Variants in USP6NL observed in about 807,000 individuals in gnomAD.
The protein encoded by USP6NL is USP6 N-terminal-like protein.
Under a neutral mutation model 61.9 loss-of-function variants are expected in USP6NL, and 26 were observed. The ratio of observed to expected loss-of-function variants is 0.42; its 90% CI spans 0.31 to 0.58. USP6NL has a LOEUF of 0.58. USP6NL is among the 20% of genes least tolerant of loss of function. USP6NL has a pLI of 0.16. For missense variants in USP6NL, 1,114 were observed against 1,034.3 expected, an observed-to-expected ratio of 1.08 and a Z score of -1.06; for synonymous variants, 432 against 390.1, an observed-to-expected ratio of 1.11 and a Z score of -1.27.
intron 2 of USP6NL, among the ~76,000 whole-genome samples, chr10:11,568,051 C>T (rs1837227303): frequency 6.6e-6 from 1 of 152,096 alleles, no homozygotes; most frequent in Admixed American, 6.6e-5. Flanking sequence ...TTAGCGGTCA[C>T]GTGTGAAAAT....
chr10:11,501,621 T>C (rs1168861576), intron 6 of USP6NL, among the ~76,000 whole-genome samples: 1 of 152,182 alleles, frequency 6.6e-6, no homozygotes, highest in South Asian at 2.1e-4. Context: ...AGCAAAAAGG[T>C]TGCCTTGTCC....
At chr10:11,571,191 C>A (rs1837347275) in intron 2 of USP6NL, among the ~76,000 whole-genome samples, 1 of 151,770 alleles carries the variant, frequency 6.6e-6, no homozygotes, top group Non-Finnish European at 1.5e-5. Context: ...TCAAGCGATT[C>A]TCCTGCCTCA....
chr10:11,522,268 TTATTG>T (rs1260088087), intron 4 of USP6NL, among the ~76,000 whole-genome samples: 1 of 152,284 alleles, frequency 6.6e-6, no homozygotes, highest in Non-Finnish European at 1.5e-5. Context: ...TTTTGCCATT[TTATTG>T]TATTAACATT....
Position 11,462,919 on chromosome 10 carries a change from G to A in USP6NL, c.2009C>T (p.Pro670Leu), listed in dbSNP as rs2096221872. The A allele has an allele frequency of 2.5e-6, 4 of 1,613,540 alleles. No homozygotes were observed. The highest frequency in any genetic ancestry group is 1.3e-5 in the African/African-American group (1 of 75,040). Residue 670 changes from proline (P) to leucine (L), a missense_variant, in exon 15 of 15, where the codon CCT (proline) becomes CTT (leucine). Coordinates refer to ENST00000609104, the MANE Select transcript of USP6NL (RefSeq NM_014688.5). ...PGTQLNPSRR[P>L]HGSTLSVSAS... ...ACTGACGGAAAGAGTAGAACCATGA[G>A]GTCTCCTGGAAGGATTCAGTTGAGT... is the stretch of plus-strand genomic sequence containing the variant.
At chr10:11,588,422 G>A (rs1211176384) in intron 2 of USP6NL, among the ~76,000 whole-genome samples, 1 of 152,030 alleles carries the variant, frequency 6.6e-6, no homozygotes, top group Non-Finnish European at 1.5e-5. Context: ...GTACATATGG[G>A]AAAAGGAGCA....
At chr10:11,492,783 G>A (rs978633650) in intron 8 of USP6NL, among the ~76,000 whole-genome samples, 22 of 152,222 alleles carry the variant, frequency 1.4e-4, no homozygotes, top group African/African-American at 5.1e-4. Context: ...ATGCATGGGG[G>A]TCAAGGTTAT....
chr10:11,600,002 T>G lies in USP6NL; in HGVS notation c.-83-2285A>C, dbSNP rs1185718826. On this transcript the variant is annotated intron_variant, in intron 1 of 14. Transcript: ENST00000609104. This position sits in a 1 kb window ranked among gnomAD's most constrained non-coding sequence, Gnocchi z 4.1. ...AGTAAGGAGTCTACCAATTGTTATATGGAACAAGGTAGTTGAGCAGCACAC... is the reference window on the plus strand; with the variant it reads ...AGTAAGGAGTCTACCAATTGTTATAGGGAACAAGGTAGTTGAGCAGCACAC... 6.6e-6 allele frequency among the ~76,000 whole-genome samples: 1 copy of G among 152,106 alleles called. No homozygotes were observed. Among genetic ancestry groups the G allele is most frequent in the African/African-American group, 2.4e-5 (1 of 41,436 alleles).
Position 11,596,392 on chromosome 10 carries a change from C to T in USP6NL, c.4+1239G>A, listed in dbSNP as rs1450968241. 6.6e-6 allele frequency among the ~76,000 whole-genome samples: 1 copy of T among 152,042 alleles called. No homozygotes were observed. Among genetic ancestry groups the T allele is most frequent in the Non-Finnish European group, 1.5e-5 (1 of 67,998 alleles). On this transcript the variant is annotated intron_variant, in intron 2 of 14. Coordinates refer to ENST00000609104, the MANE Select transcript of USP6NL (RefSeq NM_014688.5). The surrounding 1 kb of genome is among the most constrained non-coding windows in gnomAD (Gnocchi z 4.1). ...ATCCCAGCATTTTGGGAGGCTGAGG[C>T]GGGCGGATCACAAGGTCAGGAGATC...
At chr10:11,498,235 CAAAAAAAAAAAAA>C (rs11341542) in intron 7 of USP6NL, among the ~76,000 whole-genome samples, 16 of 38,806 alleles carry the variant, frequency 4.1e-4, no homozygotes, top group African/African-American at 2.0e-3. Context: ...CACTCTGTCT[CAAAAAAAAAAAAA>C]AAAAAAAAAA....
chr10:11,488,759 A>C (rs921155563), intron 10 of USP6NL, among the ~76,000 whole-genome samples: 2 of 152,214 alleles, frequency 1.3e-5, no homozygotes, highest in African/African-American at 4.8e-5. Flanking sequence ...TGACCATCTA[A>C]AAGTTTTGAT....
chr10:11,594,932 T>C (rs897203930), intron 2 of USP6NL, among the ~76,000 whole-genome samples: 10 of 152,132 alleles, frequency 6.6e-5, no homozygotes, highest in African/African-American at 2.4e-4. Flanking sequence ...TACAGCTTGA[T>C]GGGTCCCAGA....
chr10:11,551,249 G>A lies in USP6NL; in HGVS notation c.5-23682C>T, dbSNP rs78418635. Among the ~76,000 whole-genome samples the A allele has an allele frequency of 2.2e-4, 33 of 152,172 alleles. No homozygotes were observed. The East Asian group carries it at 5.8e-3, about 27-fold the overall frequency. On this transcript the variant is annotated intron_variant, in intron 2 of 14. Transcript: ENST00000609104. ...ATTGGTGAAAAGGTAAGCAAATTTT[G>A]GTTAATTCATACTTTGGAATACTAT...
rs117480958 is a variant in USP6NL, at chr10:11,605,365, A to T, written c.-84+6078T>A. 2.1e-3 allele frequency among the ~76,000 whole-genome samples: 315 copies of T among 152,356 alleles called. 1 individual carries two copies. Among genetic ancestry groups the T allele is most frequent in the Admixed American group, 0.014 (212 of 15,300 alleles). ...AGAAGCAAACTAAACCAATTATTGC[A>T]TAGACTCTCAACTTTTTATTAGAAT... is the stretch of plus-strand genomic sequence containing the variant. On this transcript the variant is annotated intron_variant, in intron 1 of 14. Coordinates refer to ENST00000609104, the MANE Select transcript of USP6NL (RefSeq NM_014688.5).
intron 14 of USP6NL, among the ~76,000 whole-genome samples, chr10:11,479,132 GT>G (rs1833085131): frequency 6.6e-6 from 1 of 152,152 alleles, no homozygotes; most frequent in Non-Finnish European, 1.5e-5. Flanking sequence ...ACATATAAAT[GT>G]TAGAAGAGAA....
rs1838403620 is a variant in USP6NL at position 11,598,528 on chromosome 10, T to A, written c.-83-811A>T. Among the ~76,000 whole-genome samples, 3 of 152,280 alleles carry A rather than the reference T, an allele frequency of 2.0e-5. No homozygotes were observed. The South Asian group carries it at 6.2e-4, about 32-fold the overall frequency. On this transcript the variant is annotated intron_variant, in intron 1 of 14. Transcript: ENST00000609104. The surrounding 1 kb of genome is among the most constrained non-coding windows in gnomAD (Gnocchi z 4.7). ...ATAGGTATAAATATTAATGCTATAT[T>A]TAAACATAACCATGGATGCACAAAT...
Position 11,463,019 on chromosome 10 carries a change from C to A in USP6NL, c.1909G>T (p.Val637Phe). 1 of 1,613,696 alleles carries A rather than the reference C, an allele frequency of 6.2e-7. No individual in the cohort carries two copies. The highest frequency in any genetic ancestry group is 1.1e-5 in the South Asian group (1 of 91,078). The change falls in exon 15 of 15, where the codon GTT becomes TTT. Residue 637 changes from valine (V) to phenylalanine (F), a missense_variant. Physicochemically the swap from Val to Phe is conservative, Grantham distance 50 (BLOSUM62 -1). Transcript: ENST00000609104. The surrounding 1 kb of genome is among the most constrained non-coding windows in gnomAD (Gnocchi z 6.3). The part of the protein sequence containing the change: ...AHPPSYSNPP[V>F]YHGNSPKHFP... ...TGTTTGGGAGAGTTTCCGTGGTAAA[C>A]GGGGGGATTGCTGTAGGAGGGGGGA... is the stretch of plus-strand genomic sequence containing the variant.
chr10:11,519,158 G>A (rs996945748), intron 4 of USP6NL, among the ~76,000 whole-genome samples: 1 of 152,112 alleles, frequency 6.6e-6, no homozygotes, highest in African/African-American at 2.4e-5. Flanking sequence ...TACAAAAATA[G>A]GTGGTGAGCT....
rs187771383 is a variant in USP6NL at position 11,575,917 on chromosome 10, C to A, written c.4+21714G>T. The stretch of plus-strand genomic sequence containing the variant: ...AGGCCAAAAAGGGTGAGGGGAAATA[C>A]GGGACATTTTGGGAGAAGAGGTGAA... On this transcript the variant is annotated intron_variant, in intron 2 of 14. Transcript: ENST00000609104. The surrounding 1 kb of genome is among the most constrained non-coding windows in gnomAD (Gnocchi z 4.2). Among the ~76,000 whole-genome samples, 1 of 152,026 alleles carries A rather than the reference C, an allele frequency of 6.6e-6. No individual in the cohort carries two copies. Among genetic ancestry groups the A allele is most frequent in the Non-Finnish European group, 1.5e-5 (1 of 68,006 alleles).
At chr10:11,545,295 T>C (rs868676559) in intron 2 of USP6NL, among the ~76,000 whole-genome samples, 1 of 152,066 alleles carries the variant, frequency 6.6e-6, no homozygotes, top group African/African-American at 2.4e-5. Flanking sequence ...CCCCTCAGCC[T>C]TTCTGGGGAG....
Sources: allele counts gnomAD v4.1 joint callset (sites outside exome capture counted in the v4.1 genomes callset), GRCh38; gene constraint gnomAD v4.1.1; non-coding constraint Gnocchi (gnomAD v3.1); transcripts MANE v1.5; gene names NCBI Gene and HGNC (gene_info 2026-07-23, HGNC 2026-07-21).